The following CNBD1 variants were observed in gnomAD, a reference collection of about 807,000 sequenced individuals.
CNBD1 encodes the protein cyclic nucleotide binding domain containing 1.
A neutral mutation model predicts 54.4 loss-of-function variants in CNBD1; 71 were observed. That is an observed-to-expected ratio of 1.30 (90% confidence interval 1.08 to 1.59). The LOEUF (loss-of-function observed/expected upper bound fraction) is 1.59. Among genes scored for constraint, CNBD1 ranks in the 40% most tolerant of loss-of-function variants. The pLI, the probability that CNBD1 is intolerant of heterozygous loss-of-function variation, is 0.00. For synonymous variants in CNBD1, 182 were observed against 170.7 expected, an observed-to-expected ratio of 1.07 and a Z score of -0.51; for missense variants, 659 against 518.0, an observed-to-expected ratio of 1.27 and a Z score of -2.64.
intron 4 of CNBD1, among the ~76,000 whole-genome samples, chr8:87,015,591 A>C (rs1242790503): frequency 1.3e-5 from 2 of 152,196 alleles, no homozygotes; most frequent in East Asian, 3.8e-4. Flanking sequence ...TCTTTTAAAA[A>C]AGTCTTAAAT....
At chr8:86,880,272 C>T (rs932306163) in intron 1 of CNBD1, among the ~76,000 whole-genome samples, 1 of 152,012 alleles carries the variant, frequency 6.6e-6, no homozygotes, top group Non-Finnish European at 1.5e-5. Flanking sequence ...GACACACAGT[C>T]AGTCTTTTGT....
intron 2 of CNBD1, among the ~76,000 whole-genome samples, chr8:87,398,424 T>G (rs570139306): frequency 2.0e-5 from 3 of 151,992 alleles, no homozygotes; most frequent in East Asian, 1.9e-4. Flanking sequence ...AGTTTGTTGA[T>G]ATGTACCAAA....
intron 10 of CNBD1, among the ~76,000 whole-genome samples, chr8:87,380,226 G>A (rs1811046583): frequency 2.0e-5 from 3 of 151,922 alleles, no homozygotes; most frequent in Admixed American, 2.0e-4. Flanking sequence ...AATGCAAAAT[G>A]TAATAGCTTC....
intron 5 of CNBD1, among the ~76,000 whole-genome samples, chr8:87,222,841 G>A (rs1814371682): frequency 6.6e-6 from 1 of 152,012 alleles, no homozygotes; most frequent in Admixed American, 6.6e-5. Flanking sequence ...ATAGTTAAGA[G>A]CTATTTTCAA....
At position 87,307,748 on chromosome 8, in the gene CNBD1, T is replaced by TTATA. The variant is rs35262193; in HGVS notation, c.1042+21092_1042+21095dup. Among the ~76,000 whole-genome samples the TTATA allele has an allele frequency of 5.9e-4, 81 of 138,086 alleles. 1 individual carries two copies. Among genetic ancestry groups the TTATA allele is most frequent in the African/African-American group, 1.4e-3 (49 of 34,988 alleles). The allele number at this position is 138,086 out of a possible 152,430, so 90.6% of individuals were successfully genotyped here. A position where few individuals can be genotyped will look rare whatever the true frequency, so the allele number is the denominator to read the frequency against. ...GTGAAACTCCGTCTCAAAAAAAAAA[T>TTATA]TATATATATATATATATAACTTAGC... On this transcript the variant is annotated intron_variant, in intron 8 of 10. Coordinates refer to ENST00000518476, the MANE Select transcript of CNBD1 (RefSeq NM_173538.3).
At chr8:87,159,931 T>A (rs1238327840) in intron 4 of CNBD1, among the ~76,000 whole-genome samples, 2 of 152,020 alleles carry the variant, frequency 1.3e-5, no homozygotes, top group Non-Finnish European at 2.9e-5. Flanking sequence ...ACATAGCTTT[T>A]TTTTTTTCCA....
At chr8:87,128,460 T>C (rs1183460940) in intron 4 of CNBD1, among the ~76,000 whole-genome samples, 1 of 152,190 alleles carries the variant, frequency 6.6e-6, no homozygotes, top group African/African-American at 2.4e-5. Flanking sequence ...CACACCCCTG[T>C]TGCAAGTTCT....
At chr8:87,121,339 TAA>T (rs1041392050) in intron 4 of CNBD1, among the ~76,000 whole-genome samples, 3 of 151,724 alleles carry the variant, frequency 2.0e-5, no homozygotes, top group African/African-American at 7.2e-5. Context: ...TATTAGGAAA[TAA>T]GAGTGTATTT....
intron 8 of CNBD1, among the ~76,000 whole-genome samples, chr8:87,325,186 G>C (rs1403662911): frequency 1.1e-5 from 1 of 94,770 alleles, no homozygotes; most frequent in East Asian, 2.1e-4. Flanking sequence ...TATAATTTCT[G>C]TTCTTTTACA....
At chr8:86,874,007 C>CA (rs1181638646) in intron 1 of CNBD1, among the ~76,000 whole-genome samples, 1 of 152,182 alleles carries the variant, frequency 6.6e-6, no homozygotes, top group Admixed American at 6.5e-5. Flanking sequence ...GGACCCCATT[C>CA]AAATTTGGTC....
At chr8:87,239,867 A>G (rs1469775271) in intron 6 of CNBD1, among the ~76,000 whole-genome samples, 1 of 152,058 alleles carries the variant, frequency 6.6e-6, no homozygotes, top group African/African-American at 2.4e-5. Flanking sequence ...AAGCTTTTTC[A>G]TTAGAGTTGA....
At chr8:87,343,977 A>G (rs753989353) in intron 8 of CNBD1, among the ~76,000 whole-genome samples, 2 of 152,042 alleles carry the variant, frequency 1.3e-5, no homozygotes, top group African/African-American at 2.4e-5. Context: ...AGCTCTAACA[A>G]CTTTTTCATG....
intron 5 of CNBD1, among the ~76,000 whole-genome samples, chr8:87,214,382 C>A (rs768423583): frequency 2.0e-5 from 3 of 152,142 alleles, no homozygotes; most frequent in Non-Finnish European, 2.9e-5. Context: ...CAGTTCCCAA[C>A]AAGTTATTTA....
At chr8:87,151,549 A>C (rs1812604032) in intron 4 of CNBD1, among the ~76,000 whole-genome samples, 1 of 152,180 alleles carries the variant, frequency 6.6e-6, no homozygotes, top group South Asian at 2.1e-4. Context: ...TTATAGTCCA[A>C]TGTATGGACC....
intron 4 of CNBD1, among the ~76,000 whole-genome samples, chr8:87,059,037 A>G (rs1355081030): frequency 1.3e-5 from 2 of 152,134 alleles, no homozygotes; most frequent in African/African-American, 4.8e-5. Flanking sequence ...CTCAAGCTCA[A>G]TGTTTCACAG....
At chr8:87,228,764 T>C (rs536190256) in intron 5 of CNBD1, among the ~76,000 whole-genome samples, 1 of 152,136 alleles carries the variant, frequency 6.6e-6, no homozygotes, top group South Asian at 2.1e-4. Context: ...TGTGGTGGGC[T>C]CCACCCAGTT....
intron 4 of CNBD1, among the ~76,000 whole-genome samples, chr8:87,025,772 C>A (rs1191497407): frequency 2.0e-5 from 3 of 152,132 alleles, no homozygotes; most frequent in African/African-American, 4.8e-5. Context: ...GACCACGAAC[C>A]CACCGGAAGG....
intron 4 of CNBD1, among the ~76,000 whole-genome samples, chr8:87,151,599 C>T (rs1812606085): frequency 6.6e-6 from 1 of 152,088 alleles, no homozygotes; most frequent in Admixed American, 6.5e-5. Flanking sequence ...ATTCTCTGGG[C>T]AATTGCTAGG....
At chr8:87,327,541 T>C (rs1200523343) in intron 8 of CNBD1, among the ~76,000 whole-genome samples, 1 of 152,190 alleles carries the variant, frequency 6.6e-6, no homozygotes, top group Non-Finnish European at 1.5e-5. Flanking sequence ...AAAAGCGCAA[T>C]ATTCGGGTGG....
Sources: allele counts gnomAD v4.1 joint callset (sites outside exome capture counted in the v4.1 genomes callset), GRCh38; gene constraint gnomAD v4.1.1; transcripts MANE v1.5; gene names NCBI Gene and HGNC (gene_info 2026-07-23, HGNC 2026-07-21).